Variants in ORC4 observed in about 807,000 individuals in gnomAD.
ORC4 encodes the protein origin recognition complex, subunit 4 homolog.
Under a neutral mutation model 63.9 loss-of-function variants are expected in ORC4, and 55 were observed. The observed-to-expected ratio is 0.86, with a 90% CI of 0.69 to 1.08. ORC4 has a LOEUF of 1.08. Ranked by LOEUF, ORC4 falls within the 50% of genes least tolerant of loss-of-function variation. ORC4 has a pLI of 0.00. For missense variants in ORC4, 511 were observed against 504.4 expected (o/e 1.01, Z -0.13); for synonymous variants, 150 against 168.5 (o/e 0.89, Z 0.85).
chr2:147,992,491 T>C (rs563246283), intron 1 of ORC4, among the ~76,000 whole-genome samples: 1 of 152,228 alleles, frequency 6.6e-6, no homozygotes, highest in African/African-American at 2.4e-5. Flanking sequence ...GCACTAAAAT[T>C]GGTGGGTGAG....
At chr2:147,955,786 T>C (rs1689212832) in intron 6 of ORC4, among the ~76,000 whole-genome samples, 1 of 152,026 alleles carries the variant, frequency 6.6e-6, no homozygotes, top group South Asian at 2.1e-4. Flanking sequence ...GATTCTACTT[T>C]GTGTCTTCAA....
intron 1 of ORC4, among the ~76,000 whole-genome samples, chr2:148,006,232 C>A (rs895325865): frequency 3.9e-5 from 6 of 152,102 alleles, no homozygotes; most frequent in African/African-American, 1.4e-4. Flanking sequence ...TCTGTAACAG[C>A]AGAACACAAC....
intron 1 of ORC4, 88 bp downstream of exon 1, chr2:148,020,545 G>A (rs560211546): frequency 6.6e-6 from 1 of 152,370 alleles, no homozygotes; most frequent in Non-Finnish European, 1.5e-5. Flanking sequence ...TCCCACTTTC[G>A]ATTCACCTTG....
intron 1 of ORC4, among the ~76,000 whole-genome samples, chr2:147,981,184 C>A (rs1490371004): frequency 2.0e-5 from 3 of 152,144 alleles, no homozygotes; most frequent in Non-Finnish European, 4.4e-5. Flanking sequence ...GAGATGAATT[C>A]CAAGGCGCCC....
chr2:147,943,415 TA>T lies in ORC4; in HGVS notation c.849+20del, dbSNP rs755439004. ...AAAACAAAAACAAAGCAACAAGCAA[TA>T]AAACAAAACTAATACAAACCAATAG... is the stretch of plus-strand genomic sequence containing the variant. On this transcript the variant is annotated intron_variant, in intron 10 of 13. Transcript: ENST00000392857. 703 of 1,503,364 alleles carry T rather than the reference TA, an allele frequency of 4.7e-4. No individual in the cohort carries two copies. The highest frequency in any genetic ancestry group is 6.0e-4 in the Non-Finnish European group (644 of 1,080,476). 93.1% of individuals were successfully genotyped at this position (1,503,364 alleles called of 1,614,324 possible). A position where few individuals can be genotyped will look rare whatever the true frequency, so the allele number is the denominator to read the frequency against.
intron 1 of ORC4, among the ~76,000 whole-genome samples, chr2:148,010,497 AC>A (rs1692898076): frequency 6.6e-6 from 1 of 152,108 alleles, no homozygotes; most frequent in Admixed American, 6.5e-5. Flanking sequence ...AAAATCAGAG[AC>A]AAAAAAGGAG....
intron 1 of ORC4, among the ~76,000 whole-genome samples, chr2:148,005,644 C>A: frequency 1.1e-5 from 1 of 94,306 alleles, no homozygotes; most frequent in Non-Finnish European, 1.9e-5. Context: ...CCAAACTGAA[C>A]AACTATCCAT....
rs528066863 is a variant in ORC4, at chr2:147,979,050, A to G, written c.-17-3075T>C. Among the ~76,000 whole-genome samples the G allele has an allele frequency of 2.0e-5, 3 of 152,326 alleles. No homozygotes were observed. The South Asian group carries it at 6.2e-4, about 32-fold the overall frequency. ...GGAAGCTTTCCCTCTAAGATCAAGA[A>G]CATGACAAGAATGCCCACTTTGGCC... On this transcript the variant is annotated intron_variant, in intron 1 of 13. Transcript: ENST00000392857.
chr2:147,998,981 G>C (rs1467954225), intron 1 of ORC4, among the ~76,000 whole-genome samples: 1 of 152,046 alleles, frequency 6.6e-6, no homozygotes, highest in African/African-American at 2.4e-5. Context: ...TCTACCTTTT[G>C]GTTTATAATC....
Position 147,958,790 on chromosome 2 carries a change from C to A in ORC4, c.301+1G>T. On this transcript the variant is annotated splice_donor_variant, in intron 5 of 13. Coordinates refer to ENST00000392857, the MANE Select transcript of ORC4 (RefSeq NM_181741.4). LOFTEE classifies it high-confidence loss of function. The stretch of plus-strand genomic sequence containing the variant: ...CAATGGCAAAATAATGGCATACTTA[C>A]CATTTAAGTGAACTTGTAATACATT... The A allele has an allele frequency of 7.1e-7, 1 of 1,407,346 alleles. No individual in the cohort carries two copies. 87.2% of individuals were successfully genotyped at this position (1,407,346 alleles called of 1,614,324 possible).
chr2:147,963,137 C>G (rs1409516779), intron 4 of ORC4, among the ~76,000 whole-genome samples: 2 of 152,196 alleles, frequency 1.3e-5, no homozygotes, highest in Non-Finnish European at 2.9e-5. Context: ...CAGGACCAGC[C>G]AAGCAATCAT....
intron 1 of ORC4, among the ~76,000 whole-genome samples, chr2:147,980,083 A>G (rs1690786010): frequency 6.6e-6 from 1 of 152,162 alleles, no homozygotes; most frequent in African/African-American, 2.4e-5. Flanking sequence ...AAAAGCTTCA[A>G]TCAACAGAGT....
At chr2:147,974,321 T>C (rs1248625385) in intron 2 of ORC4, among the ~76,000 whole-genome samples, 2 of 152,138 alleles carry the variant, frequency 1.3e-5, no homozygotes, top group African/African-American at 2.4e-5. Flanking sequence ...TAACATCTTA[T>C]GGCAGGCCTG....
At chr2:147,959,482 G>T (rs1466646418) in intron 4 of ORC4, among the ~76,000 whole-genome samples, 1 of 151,806 alleles carries the variant, frequency 6.6e-6, no homozygotes, top group Non-Finnish European at 1.5e-5. Flanking sequence ...TAAGTGAACT[G>T]GGAAAAGCAG....
At chr2:147,946,602 G>A (rs1441473539) in intron 9 of ORC4, among the ~76,000 whole-genome samples, 4 of 152,000 alleles carry the variant, frequency 2.6e-5, no homozygotes, top group African/African-American at 7.2e-5. Context: ...TGAAATACCC[G>A]AGTCTCAGGA....
intron 4 of ORC4, 60 bp from the exon 5 acceptor site, chr2:147,958,926 G>T (rs551130261): frequency 5.5e-6 from 4 of 730,832 alleles, no homozygotes; most frequent in Non-Finnish European, 9.7e-6. Context: ...GTCCATATTC[G>T]TTTTTAAACT....
intron 1 of ORC4, among the ~76,000 whole-genome samples, chr2:147,997,439 A>G (rs1351490313): frequency 1.3e-5 from 2 of 152,166 alleles, no homozygotes; most frequent in Admixed American, 1.3e-4. Context: ...TACCAAAGTA[A>G]GAAAATTTTT....
chr2:147,936,431 C>A (rs1009301180), intron 13 of ORC4: 2 of 151,598 alleles, frequency 1.3e-5, no homozygotes, highest in African/African-American at 2.4e-5. Flanking sequence ...AAAAAAAAAA[C>A]CATTAAATCA....
chr2:147,937,198 G>A (rs1183769757), intron 13 of ORC4, among the ~76,000 whole-genome samples: 1 of 151,916 alleles, frequency 6.6e-6, no homozygotes, highest in Non-Finnish European at 1.5e-5. Context: ...ATGAAATTCT[G>A]GTTACTAGGG....
Sources: gnomAD v4.1 joint callset for allele counts (sites outside exome capture counted in the v4.1 genomes callset) on GRCh38, gnomAD v4.1.1 for gene constraint, MANE v1.5 for transcripts, NCBI Gene and HGNC (gene_info 2026-07-23, HGNC 2026-07-21) for gene names.